Variants in FRMD6 observed in about 807,000 individuals in gnomAD.
FRMD6 encodes the protein FERM domain containing 6.
FRMD6 carries 37 observed loss-of-function variants against 73.2 expected under a neutral mutation model. That is an observed-to-expected ratio of 0.51 (90% CI 0.39 to 0.66). The LOEUF (loss-of-function observed/expected upper bound fraction) is 0.66, where lower values mean the gene tolerates loss of function less well. Ranked by LOEUF, FRMD6 falls within the 30% of genes least tolerant of loss-of-function variation. The pLI is 0.00. For synonymous variants in FRMD6, 273 were observed against 282.2 expected (o/e 0.97, Z 0.33); for missense variants, 714 against 780.5 (o/e 0.91, Z 1.02).
chr14:51,572,758 C>G (rs1888198326), intron 2 of FRMD6, among the ~76,000 whole-genome samples: 1 of 152,170 alleles, frequency 6.6e-6, no homozygotes, highest in South Asian at 2.1e-4. Flanking sequence ...GAAAAGGGAG[C>G]AAAATTGAAT....
intron 2 of FRMD6, among the ~76,000 whole-genome samples, chr14:51,632,766 C>T (rs1268955015): frequency 2.6e-5 from 4 of 152,178 alleles, no homozygotes; most frequent in Admixed American, 2.6e-4. Flanking sequence ...GCCTAGAGGG[C>T]CAGCCTGATT....
At chr14:51,598,507 AC>A (rs1185618330) in intron 2 of FRMD6, among the ~76,000 whole-genome samples, 1 of 152,172 alleles carries the variant, frequency 6.6e-6, no homozygotes, top group Non-Finnish European at 1.5e-5. Flanking sequence ...TGATCCCATC[AC>A]CCAGGTAGTG....
At chr14:51,419,995 G>C in the FRMD6 span, among the ~76,000 whole-genome samples, 6,665 of 133,766 alleles carry the variant, frequency 0.05, 199 homozygotes, top group Non-Finnish European at 0.073. Flanking sequence ...GTGACTTCCT[G>C]CCCTCGTTAG....
chr14:51,404,824 A>C, the FRMD6 span, among the ~76,000 whole-genome samples: 1 of 152,184 alleles, frequency 6.6e-6, no homozygotes, highest in Non-Finnish European at 1.5e-5. Context: ...TTTGTTATGT[A>C]GGTAAACTCT....
intron 1 of FRMD6, among the ~76,000 whole-genome samples, chr14:51,532,883 A>G (rs1885669160): frequency 6.6e-6 from 1 of 152,186 alleles, no homozygotes; most frequent in Non-Finnish European, 1.5e-5. Flanking sequence ...ATTCAACCCC[A>G]TTTTGTAAAT....
chr14:51,647,459 A>G (rs915521610), upstream of FRMD6, among the ~76,000 whole-genome samples: 1 of 152,234 alleles, frequency 6.6e-6, no homozygotes, highest in African/African-American at 2.4e-5. Flanking sequence ...AGAGCATTTT[A>G]AATGTTAGGC....
At chr14:51,653,861 T>C (rs943108843) in intron 1 of FRMD6, among the ~76,000 whole-genome samples, 2 of 152,244 alleles carry the variant, frequency 1.3e-5, no homozygotes, top group African/African-American at 4.8e-5. Flanking sequence ...AATGGACATT[T>C]AGTAGGATTA....
At chr14:51,696,765 A>AAAT (rs35447766) in intron 2 of FRMD6, among the ~76,000 whole-genome samples, 2 of 150,524 alleles carry the variant, frequency 1.3e-5, no homozygotes, top group Non-Finnish European at 3.0e-5. Context: ...AAAAAAAAAA[A>AAAT]GTCGATTGAG....
chr14:51,640,399 G>T (rs77659158), intron 2 of FRMD6, among the ~76,000 whole-genome samples: 5,577 of 152,258 alleles, frequency 0.037, 118 homozygotes, highest in Middle Eastern at 0.071. Flanking sequence ...TCATGAATGG[G>T]TATCAAAATC....
intron 1 of FRMD6, among the ~76,000 whole-genome samples, chr14:51,665,683 G>A (rs143574608): frequency 6.6e-6 from 1 of 152,308 alleles, no homozygotes; most frequent in African/African-American, 2.4e-5. Flanking sequence ...TGGTTTGGCT[G>A]CGTCCCCACC....
At chr14:51,494,270 A>G (rs188397994) in intron 1 of FRMD6, among the ~76,000 whole-genome samples, 68 of 152,304 alleles carry the variant, frequency 4.5e-4, no homozygotes, top group African/African-American at 1.5e-3. Context: ...TATGGATGAG[A>G]TTTAAGATAT....
At chr14:51,483,931 G>T in the FRMD6 span, among the ~76,000 whole-genome samples, 3,281 of 152,226 alleles carry the variant, frequency 0.022, 110 homozygotes, top group African/African-American at 0.072. Flanking sequence ...ACTGAGGCTT[G>T]CAGAGATTAA....
At chr14:51,573,085 A>G (rs1338915018) in intron 2 of FRMD6, among the ~76,000 whole-genome samples, 1 of 152,224 alleles carries the variant, frequency 6.6e-6, no homozygotes, top group Admixed American at 6.5e-5. Context: ...CAGCTGAGAT[A>G]TAGAAATGAG....
intron 2 of FRMD6, among the ~76,000 whole-genome samples, chr14:51,642,953 G>A (rs1027224540): frequency 2.0e-5 from 3 of 152,178 alleles, no homozygotes; most frequent in Non-Finnish European, 2.9e-5. Context: ...AGAGTCAGGA[G>A]AGAATGGCCT....
intron 1 of FRMD6, among the ~76,000 whole-genome samples, chr14:51,552,428 C>T (rs1886891299): frequency 6.6e-6 from 1 of 152,202 alleles, no homozygotes. Flanking sequence ...CCTTTGAATT[C>T]CCTGCCAGTA....
At chr14:51,647,759 C>T (rs1322847471), upstream of FRMD6, among the ~76,000 whole-genome samples, 2 of 152,182 alleles carry the variant, frequency 1.3e-5, no homozygotes, top group East Asian at 3.8e-4. Flanking sequence ...CTCTCTTAGA[C>T]TAGAACTTAC....
chr14:51,489,748 C>T (rs573957610), intron 1 of FRMD6, among the ~76,000 whole-genome samples: 32 of 152,176 alleles, frequency 2.1e-4, no homozygotes, highest in Admixed American at 3.9e-4. Context: ...TGTTTATGTA[C>T]GTGTCCTGTA....
the FRMD6 span, among the ~76,000 whole-genome samples, chr14:51,464,896 A>T: frequency 1.7e-4 from 26 of 152,198 alleles, no homozygotes; most frequent in Non-Finnish European, 3.1e-4. Flanking sequence ...GAGAAATTGC[A>T]TGCAGAAACT....
intron 2 of FRMD6, among the ~76,000 whole-genome samples, chr14:51,640,952 T>C (rs923097901): frequency 1.3e-5 from 2 of 152,158 alleles, no homozygotes. Flanking sequence ...TTGGAGTTTA[T>C]ACTTTATTAA....
Sources: allele counts gnomAD v4.1 joint callset (sites outside exome capture counted in the v4.1 genomes callset), GRCh38; gene constraint gnomAD v4.1.1; transcripts MANE v1.5; gene names NCBI Gene and HGNC (gene_info 2026-07-23, HGNC 2026-07-21).